The following OPCML variants were observed in gnomAD, a reference collection of about 807,000 sequenced individuals.
OPCML encodes the protein opioid-binding protein/cell adhesion molecule.
In OPCML, 13 loss-of-function variants were observed where a neutral mutation model predicts 37.8. That is an observed-to-expected ratio of 0.34 (90% CI 0.22 to 0.55). OPCML has a LOEUF of 0.55. OPCML is among the 20% of genes least tolerant of loss of function. OPCML has a pLI of 0.91. For missense variants in OPCML, 341 were observed against 435.6 expected (o/e 0.78, Z 1.93); for synonymous variants, 176 against 168.8 (o/e 1.04, Z -0.33).
In OPCML at chr11:133,273,649, T is replaced by C. The variant is rs187678331; in HGVS notation, c.61+258615A>G. The stretch of plus-strand genomic sequence containing the variant: ...TTCAGTAGTCCCTCAAGGGATCTGC[T>C]AAGCCAGAAGCTGAAGAGAGATGGC... On this transcript the variant is annotated intron_variant, in intron 1 of 7. Coordinates refer to ENST00000524381, the MANE Select transcript of OPCML (RefSeq NM_001012393.5). 1.5e-3 allele frequency among the ~76,000 whole-genome samples: 231 copies of C among 152,328 alleles called. 2 individuals are homozygous for C. The highest frequency in any genetic ancestry group is 5.3e-3 in the African/African-American group (220 of 41,580).
chr11:132,902,100 G>C (rs1399793631), intron 2 of OPCML, among the ~76,000 whole-genome samples: 5 of 152,202 alleles, frequency 3.3e-5, no homozygotes, highest in Non-Finnish European at 7.3e-5. Context: ...AAACCGTCCA[G>C]TGGGAGGCCA....
rs117964612 is a variant in OPCML at position 132,571,119 on chromosome 11, C to T, written c.380-41933G>A. On this transcript the variant is annotated intron_variant, in intron 3 of 7. Transcript: ENST00000524381. ...CCTTGCTGAGTCTTCTGGCTTTCAT[C>T]GTTCTCCCATGCTGGATGCTTCCTG... Among the ~76,000 whole-genome samples the T allele has an allele frequency of 5.9e-3, 901 of 152,044 alleles. 47 individuals are homozygous for T. The East Asian group carries it at 0.11, about 18-fold the overall frequency.
intron 3 of OPCML, among the ~76,000 whole-genome samples, chr11:132,648,333 C>G (rs554161605): frequency 2.6e-5 from 4 of 152,276 alleles, no homozygotes; most frequent in African/African-American, 9.6e-5. Flanking sequence ...GAGGTATTGG[C>G]AGACAGGTCT....
At chr11:132,836,870 G>C (rs1161995649) in intron 2 of OPCML, among the ~76,000 whole-genome samples, 1 of 152,168 alleles carries the variant, frequency 6.6e-6, no homozygotes, top group South Asian at 2.1e-4. Context: ...TGGCATCAGA[G>C]AAGGCAGATG....
intron 4 of OPCML, among the ~76,000 whole-genome samples, chr11:132,458,991 T>C (rs2096091702): frequency 6.6e-6 from 1 of 152,252 alleles, no homozygotes; most frequent in Non-Finnish European, 1.5e-5. Flanking sequence ...TAAAGCTTAA[T>C]TTCAGAATCT....
intron 2 of OPCML, among the ~76,000 whole-genome samples, chr11:132,885,308 T>A (rs1221555440): frequency 1.3e-5 from 2 of 152,190 alleles, no homozygotes; most frequent in Non-Finnish European, 2.9e-5. Flanking sequence ...AGCTAGCATG[T>A]TCAAGTGTTC....
intron 1 of OPCML, among the ~76,000 whole-genome samples, chr11:133,325,275 T>G (rs60967963): frequency 6.6e-6 from 1 of 152,084 alleles, no homozygotes; most frequent in African/African-American, 2.4e-5. Context: ...CAAAGCATTC[T>G]TTTTTGGCCT....
rs66467384 is a variant in OPCML at position 132,579,385 on chromosome 11, A to ATGTGTGTGTGTGTGTGTG, written c.380-50217_380-50200dup. ...AGGAGACAGGGAAGTTAGAATGAATATGTGTGTGTGTGTGTGTGTGTGTGT... is the reference window on the plus strand; with the variant it reads ...AGGAGACAGGGAAGTTAGAATGAATATGTGTGTGTGTGTGTGTGTGTGTGTGTGTGTGTGTGTGTGTGT... On this transcript the variant is annotated intron_variant, in intron 3 of 7. Transcript: ENST00000524381. Among the ~76,000 whole-genome samples the ATGTGTGTGTGTGTGTGTG allele has an allele frequency of 6.3e-4, 93 of 146,630 alleles. No homozygotes were observed. In the South Asian group the frequency reaches 0.021, roughly 33 times the overall value.
intron 2 of OPCML, among the ~76,000 whole-genome samples, chr11:132,797,650 C>T (rs1442293303): frequency 6.6e-6 from 1 of 152,020 alleles, no homozygotes; most frequent in African/African-American, 2.4e-5. Flanking sequence ...TTATATGGGC[C>T]ATAATAGTAT....
intron 1 of OPCML, among the ~76,000 whole-genome samples, chr11:133,262,296 C>T (rs145052615): frequency 1.6e-3 from 244 of 152,170 alleles, no homozygotes; most frequent in South Asian, 2.5e-3. Context: ...GATAAATGGG[C>T]GAATGCATTC....
intron 1 of OPCML, among the ~76,000 whole-genome samples, chr11:133,029,744 A>T (rs1947630822): frequency 6.6e-6 from 1 of 152,140 alleles, no homozygotes; most frequent in Admixed American, 6.5e-5. Context: ...GTGTTGAAAT[A>T]CTACCTATCA....
intron 1 of OPCML, among the ~76,000 whole-genome samples, chr11:132,993,850 C>A (rs1019503848): frequency 1.3e-5 from 2 of 152,128 alleles, no homozygotes; most frequent in African/African-American, 4.8e-5. Flanking sequence ...CTGAGGCCGC[C>A]CCACAAAACT....
At chr11:133,388,916 A>C (rs908153942) in intron 1 of OPCML, among the ~76,000 whole-genome samples, 4 of 152,164 alleles carry the variant, frequency 2.6e-5, no homozygotes, top group Non-Finnish European at 4.4e-5. Context: ...ATTGGTTTTC[A>C]TTTGGCCCTC....
chr11:132,690,106 G>A (rs1275382623), intron 2 of OPCML, among the ~76,000 whole-genome samples: 2 of 152,116 alleles, frequency 1.3e-5, no homozygotes, highest in Non-Finnish European at 2.9e-5. Context: ...CAGGTTCTTT[G>A]TCTTTTTCTT....
intron 1 of OPCML, among the ~76,000 whole-genome samples, chr11:133,050,888 T>A (rs1948118163): frequency 6.6e-6 from 1 of 152,174 alleles, no homozygotes; most frequent in Non-Finnish European, 1.5e-5. Flanking sequence ...CTGCTTCTTT[T>A]CGTGACAGTA....
At chr11:133,280,591 A>G (rs889408427) in intron 1 of OPCML, among the ~76,000 whole-genome samples, 1 of 152,178 alleles carries the variant, frequency 6.6e-6, no homozygotes, top group African/African-American at 2.4e-5. Context: ...TTGACTGTCA[A>G]TTGCTTGAGG....
chr11:132,420,048 A>G lies in OPCML; in HGVS notation c.*145T>C. 1 of 652,070 alleles carries G rather than the reference A, an allele frequency of 1.5e-6. No homozygotes were observed. Among genetic ancestry groups the G allele is most frequent in the Non-Finnish European group, 2.6e-6 (1 of 384,500 alleles). 40.4% of individuals were successfully genotyped at this position (652,070 alleles called of 1,614,324 possible). On this transcript the variant is annotated 3_prime_UTR_variant, in exon 8 of 8. Transcript: ENST00000524381. ...TCAAGCTGGAAATAAAAGCAAACAA[A>G]CAAATAAACAAAAACAAAAAGAAAA... is the stretch of plus-strand genomic sequence containing the variant.
At chr11:132,466,618 G>A (rs977536068) in intron 4 of OPCML, among the ~76,000 whole-genome samples, 3 of 152,162 alleles carry the variant, frequency 2.0e-5, no homozygotes, top group Admixed American at 6.5e-5. Context: ...AGCTAGCCTG[G>A]GCAGTCCAAG....
At chr11:133,338,052 G>A (rs1021710135) in intron 1 of OPCML, among the ~76,000 whole-genome samples, 3 of 152,036 alleles carry the variant, frequency 2.0e-5, no homozygotes, top group Admixed American at 6.5e-5. Flanking sequence ...TGACTCATCC[G>A]TTATGGGGGA....
Sources: gnomAD v4.1 joint callset for allele counts (sites outside exome capture counted in the v4.1 genomes callset) on GRCh38, gnomAD v4.1.1 for gene constraint, MANE v1.5 for transcripts, NCBI Gene and HGNC (gene_info 2026-07-23, HGNC 2026-07-21) for gene names.